Variants in SMC5 observed in about 807,000 individuals in gnomAD.
SMC5 encodes structural maintenance of chromosomes protein 5.
Under a neutral mutation model 148.3 loss-of-function variants are expected in SMC5, and 88 were observed. The ratio of observed to expected loss-of-function variants is 0.59; its 90% CI spans 0.50 to 0.71. The LOEUF (loss-of-function observed/expected upper bound fraction) is 0.71, where lower values mean the gene tolerates loss of function less well. SMC5 is among the 30% of genes least tolerant of loss of function. The pLI is 0.00. For missense variants in SMC5, 1,142 were observed against 1,298.9 expected (o/e 0.88, Z 1.86); for synonymous variants, 421 against 432.8 (o/e 0.97, Z 0.34).
chr9:70,296,261 C>G (rs566535805), intron 8 of SMC5, among the ~76,000 whole-genome samples: 1 of 152,016 alleles, frequency 6.6e-6, no homozygotes, highest in Admixed American at 6.6e-5. Flanking sequence ...TTAGTGATGC[C>G]ATTTAGTAAA....
At chr9:70,339,959 G>C (rs1281077313) in intron 17 of SMC5, among the ~76,000 whole-genome samples, 1 of 151,492 alleles carries the variant, frequency 6.6e-6, no homozygotes, top group Non-Finnish European at 1.5e-5. Context: ...TTGTTATTTC[G>C]TTTTTGACCA....
intron 8 of SMC5, among the ~76,000 whole-genome samples, chr9:70,291,172 A>G: frequency 1.3e-5 from 2 of 152,140 alleles, no homozygotes; most frequent in Non-Finnish European, 2.9e-5. Flanking sequence ...TGGCTATTGA[A>G]GTCACTACTA....
At chr9:70,269,070 A>G (rs1246889094) in intron 3 of SMC5, among the ~76,000 whole-genome samples, 1 of 152,212 alleles carries the variant, frequency 6.6e-6, no homozygotes, top group Non-Finnish European at 1.5e-5. Flanking sequence ...TGATAGCCCT[A>G]CTATTTGATA....
Position 70,259,021 on chromosome 9 carries a change from C to A in SMC5, c.-58C>A. On this transcript the variant is annotated 5_prime_UTR_variant, in exon 1 of 25. Coordinates refer to ENST00000361138, the MANE Select transcript of SMC5 (RefSeq NM_015110.4). ...GCGCCTGGGTGGATGGGCGCTTGGG[C>A]GCCTGGGCTGCCGGACGGTGGGAAC... 1 of 1,514,496 alleles carries A rather than the reference C, an allele frequency of 6.6e-7. No homozygotes were observed. The highest frequency in any genetic ancestry group is 1.3e-5 in the South Asian group (1 of 77,782). The allele number at this position is 1,514,496 out of a possible 1,614,324, so 93.8% of individuals were successfully genotyped here.
intron 3 of SMC5, among the ~76,000 whole-genome samples, chr9:70,275,869 C>T (rs1383839805): frequency 1.3e-5 from 2 of 152,110 alleles, no homozygotes; most frequent in Non-Finnish European, 2.9e-5. Flanking sequence ...TTGACCCATT[C>T]TCTGTCTCCT....
Position 70,350,469 on chromosome 9 carries a change from A to G in SMC5, c.3163A>G (p.Lys1055Glu). Residue 1055 changes from lysine (K) to glutamate (E), a missense_variant and splice_region_variant, in exon 24 of 25, where the codon AAG (lysine) becomes GAG (glutamate). Physicochemically the swap from Lys to Glu is moderately conservative, Grantham distance 56. This residue lies in a region of SMC5 where 63 missense variants were observed against 65.7 expected (regional missense o/e 0.96). Coordinates refer to ENST00000361138, the MANE Select transcript of SMC5 (RefSeq NM_015110.4). ...ATCTCAATACTTTTTCATAACACCA[A>G]AGGTAGGTAAAAAGTAACCTAAAAG... ...NTSQYFFITP[K>E]LLQNLPYSEK... 1 of 1,581,318 alleles carries G rather than the reference A, an allele frequency of 6.3e-7. No homozygotes were observed. The highest frequency in any genetic ancestry group is 8.6e-7 in the Non-Finnish European group (1 of 1,166,368).
intron 3 of SMC5, among the ~76,000 whole-genome samples, chr9:70,270,642 ATTTT>A (rs71364589): frequency 7.7e-5 from 8 of 103,814 alleles, no homozygotes; most frequent in Admixed American, 4.5e-4. Flanking sequence ...AGACTAAATA[ATTTT>A]TTTTTTTTTT....
intron 13 of SMC5, among the ~76,000 whole-genome samples, chr9:70,318,313 G>A (rs904596651): frequency 6.6e-6 from 1 of 152,010 alleles, no homozygotes; most frequent in African/African-American, 2.4e-5. Flanking sequence ...ACTTGAGCCT[G>A]GGGGGTTGAG....
At chr9:70,259,555 C>T (rs934297341) in intron 1 of SMC5, among the ~76,000 whole-genome samples, 17 of 152,266 alleles carry the variant, frequency 1.1e-4, no homozygotes, top group African/African-American at 3.6e-4. Flanking sequence ...GGTCTCTGCC[C>T]GCTGGGAGTC....
chr9:70,298,091 C>T lies in SMC5; in HGVS notation c.1179C>T (p.Cys393=), dbSNP rs749608121. ...ATGAACTAAAGACCACGGAAAACTG[C>T]GAGAATCTTCAGCCCCAGATTGATG... ...LQNELKTTEN[C]ENLQPQIDAI... The change falls in exon 9 of 25, where the codon TGC becomes TGT. Residue 393 remains cysteine, a synonymous_variant. Transcript: ENST00000361138. 2.2e-5 allele frequency: 35 copies of T among 1,613,818 alleles called. No homozygotes were observed. The highest frequency in any genetic ancestry group is 3.3e-5 in the South Asian group (3 of 91,086).
intron 3 of SMC5, among the ~76,000 whole-genome samples, chr9:70,271,216 A>G (rs2034442699): frequency 6.6e-6 from 1 of 152,204 alleles, no homozygotes; most frequent in South Asian, 2.1e-4. Flanking sequence ...ATCATAATGT[A>G]AATTATTCAA....
intron 1 of SMC5, among the ~76,000 whole-genome samples, chr9:70,260,499 C>T (rs1290056708): frequency 6.6e-6 from 1 of 152,102 alleles, no homozygotes; most frequent in Non-Finnish European, 1.5e-5. Flanking sequence ...TATTGTGTGC[C>T]AGGTACATAG....
chr9:70,301,634 A>G (rs1002292072), intron 10 of SMC5, among the ~76,000 whole-genome samples: 1 of 152,236 alleles, frequency 6.6e-6, no homozygotes, highest in Admixed American at 6.5e-5. Context: ...AAAGATTTAC[A>G]TATGAACTCC....
intron 1 of SMC5, among the ~76,000 whole-genome samples, chr9:70,259,548 C>G (rs1395956876): frequency 1.3e-5 from 2 of 152,166 alleles, no homozygotes; most frequent in Non-Finnish European, 2.9e-5. Flanking sequence ...GGGAGTAGGT[C>G]TCTGCCCGCT....
intron 12 of SMC5, 131 bp from the exon 13 acceptor site, chr9:70,315,315 A>T (rs2035767172): frequency 1.9e-6 from 1 of 534,202 alleles, no homozygotes; most frequent in Admixed American, 4.0e-5. Flanking sequence ...ATATAAAAGA[A>T]AAAAGACTTG....
intron 15 of SMC5, among the ~76,000 whole-genome samples, chr9:70,319,291 C>T (rs913489383): frequency 6.6e-6 from 1 of 151,888 alleles, no homozygotes. Context: ...TTAAAATATT[C>T]ATTAATTTAT....
intron 11 of SMC5, among the ~76,000 whole-genome samples, chr9:70,310,642 G>T (rs1269357249): frequency 6.6e-6 from 1 of 152,156 alleles, no homozygotes; most frequent in Non-Finnish European, 1.5e-5. Flanking sequence ...GCTTTCCTTT[G>T]AAGTTTTGAA....
At position 70,264,307 on chromosome 9, in the gene SMC5, A is replaced by T; in HGVS notation, c.189A>T (p.Thr63=). 2 of 1,613,030 alleles carry T rather than the reference A, an allele frequency of 1.2e-6. No individual in the cohort carries two copies. The highest frequency in any genetic ancestry group is 2.7e-5 in the African/African-American group (2 of 75,018). ...IVRISMENFL[T]YDICEVSPGP... ...ATTTCATCTCTTTATAATTCAGAACATATGATATTTGTGAAGTATCTCCTG... is the reference window on the plus strand; with the variant it reads ...ATTTCATCTCTTTATAATTCAGAACTTATGATATTTGTGAAGTATCTCCTG... Residue 63 remains threonine (T), a synonymous_variant, in exon 2 of 25, where the codon ACA becomes ACT. Transcript: ENST00000361138.
intron 3 of SMC5, among the ~76,000 whole-genome samples, chr9:70,275,280 G>T (rs1402186804): frequency 6.6e-6 from 1 of 152,036 alleles, no homozygotes; most frequent in Non-Finnish European, 1.5e-5. Flanking sequence ...TCATGATCAT[G>T]ACTCACTGCA....
Sources: allele counts gnomAD v4.1 joint callset (sites outside exome capture counted in the v4.1 genomes callset), GRCh38; gene constraint gnomAD v4.1.1; regional missense constraint gnomAD v4.1.1; transcripts MANE v1.5; gene names NCBI Gene and HGNC (gene_info 2026-07-23, HGNC 2026-07-21).